SAMD12: variants seen among roughly 807,000 people sequenced by gnomAD.
The protein encoded by SAMD12 is sterile alpha motif domain containing 12.
A neutral mutation model predicts 15.0 loss-of-function variants in SAMD12; 9 were observed. The ratio of observed to expected loss-of-function variants is 0.60; its 90% CI spans 0.36 to 1.05. SAMD12 has a LOEUF of 1.05. SAMD12 is among the 50% of genes least tolerant of loss of function. SAMD12 has a pLI of 0.01. For missense variants in SAMD12, 230 were observed against 234.2 expected (o/e 0.98, Z 0.12); for synonymous variants, 86 against 90.1 (o/e 0.96, Z 0.25).
chr8:118,263,023 G>A (rs1813115950), intron 4 of SAMD12, among the ~76,000 whole-genome samples: 1 of 151,984 alleles, frequency 6.6e-6, no homozygotes, highest in Admixed American at 6.6e-5. Context: ...TACAAAATTA[G>A]GATAGTACTA....
At chr8:118,295,129 A>G (rs572372136) in intron 4 of SAMD12, among the ~76,000 whole-genome samples, 2 of 152,264 alleles carry the variant, frequency 1.3e-5, no homozygotes, top group Admixed American at 1.3e-4. Context: ...TTGGCATACA[A>G]TTCACTTAGA....
intron 2 of SAMD12, among the ~76,000 whole-genome samples, chr8:118,553,066 T>G (rs1826397902): frequency 6.6e-6 from 1 of 152,034 alleles, no homozygotes; most frequent in Non-Finnish European, 1.5e-5. Context: ...TCCATGCTCA[T>G]GGATAGGAAG....
At chr8:118,607,361 G>T (rs1273342945) in intron 1 of SAMD12, among the ~76,000 whole-genome samples, 1 of 151,906 alleles carries the variant, frequency 6.6e-6, no homozygotes, top group Non-Finnish European at 1.5e-5. Context: ...CCAGCCTCCC[G>T]AGTAGCTGGG....
At chr8:118,306,270 T>C (rs1390223029) in intron 4 of SAMD12, among the ~76,000 whole-genome samples, 3 of 152,200 alleles carry the variant, frequency 2.0e-5, no homozygotes, top group African/African-American at 7.2e-5. Context: ...TCTTAGGCCA[T>C]AGAACCTGTG....
intron 4 of SAMD12, among the ~76,000 whole-genome samples, chr8:118,308,107 C>T (rs182003871): frequency 6.6e-6 from 1 of 152,340 alleles, no homozygotes; most frequent in African/African-American, 2.4e-5. Flanking sequence ...AGGTAGTATG[C>T]TAACCTTTTG....
intron 2 of SAMD12, among the ~76,000 whole-genome samples, chr8:118,561,497 T>C (rs2131211588): frequency 6.6e-6 from 1 of 152,314 alleles, no homozygotes; most frequent in East Asian, 1.9e-4. Flanking sequence ...CAATTCAGCA[T>C]GGCTGGGGAG....
rs1202121407 is a variant in SAMD12, at chr8:118,366,871, TAAAATAAAATAATAAAATAA to T, written c.433+12669_433+12688del. ...TAAAATAAAATAAAATAAAATAAAA[TAAAATAAAATAATAAAATAA>T]AATAAAATAAAATAAAATAAAATAA... On this transcript the variant is annotated intron_variant, in intron 4 of 4. Transcript: ENST00000409003. 4.7e-4 allele frequency among the ~76,000 whole-genome samples: 54 copies of T among 115,412 alleles called. 2 individuals carry two copies. Among genetic ancestry groups the T allele is most frequent in the African/African-American group, 1.9e-3 (52 of 27,668 alleles). The allele number at this position is 115,412 out of a possible 152,430, so 75.7% of individuals were successfully genotyped here.
intron 2 of SAMD12, among the ~76,000 whole-genome samples, chr8:118,479,496 C>G (rs950065100): frequency 2.0e-5 from 3 of 152,088 alleles, no homozygotes; most frequent in African/African-American, 7.2e-5. Context: ...TATTCACTAC[C>G]ACGAGAACAG....
At chr8:118,337,933 T>G (rs1227508103) in intron 4 of SAMD12, among the ~76,000 whole-genome samples, 2 of 152,212 alleles carry the variant, frequency 1.3e-5, no homozygotes, top group African/African-American at 4.8e-5. Context: ...TCCATTAAAT[T>G]GTGAAGAAAC....
intron 4 of SAMD12, among the ~76,000 whole-genome samples, chr8:118,338,295 G>T (rs1348547654): frequency 6.6e-6 from 1 of 152,212 alleles, no homozygotes; most frequent in Admixed American, 6.5e-5. Flanking sequence ...GATCTCTTCA[G>T]CTAGAACTGG....
At chr8:118,344,443 A>G (rs1236937913) in intron 4 of SAMD12, among the ~76,000 whole-genome samples, 1 of 152,216 alleles carries the variant, frequency 6.6e-6, no homozygotes, top group Non-Finnish European at 1.5e-5. Context: ...CCCTTGCAAC[A>G]TTGTAAGAGG....
intron 2 of SAMD12, among the ~76,000 whole-genome samples, chr8:118,456,578 G>A (rs1180030215): frequency 2.0e-5 from 3 of 152,144 alleles, no homozygotes; most frequent in African/African-American, 4.8e-5. Context: ...TTTTCTCCAT[G>A]TATCTGTTCC....
At chr8:118,475,131 C>T (rs919966624) in intron 2 of SAMD12, among the ~76,000 whole-genome samples, 5 of 152,090 alleles carry the variant, frequency 3.3e-5, no homozygotes, top group Non-Finnish European at 7.4e-5. Context: ...CCCAGCTACT[C>T]AGGAGGCTGA....
chr8:118,605,012 T>A (rs1430420404), intron 1 of SAMD12, among the ~76,000 whole-genome samples: 1 of 152,226 alleles, frequency 6.6e-6, no homozygotes. Flanking sequence ...TAAGCTGTGA[T>A]AAAGATAGAC....
At chr8:118,213,129 T>A (rs952921985) in intron 4 of SAMD12, among the ~76,000 whole-genome samples, 2 of 152,216 alleles carry the variant, frequency 1.3e-5, no homozygotes, top group African/African-American at 4.8e-5. Flanking sequence ...ATAAAAACCA[T>A]GAATGATCTC....
At chr8:118,491,590 C>T (rs937700643) in intron 2 of SAMD12, among the ~76,000 whole-genome samples, 6 of 152,106 alleles carry the variant, frequency 3.9e-5, no homozygotes, top group Admixed American at 3.3e-4. Flanking sequence ...GAGGAGTTGC[C>T]TTATTTCTTC....
intron 4 of SAMD12, among the ~76,000 whole-genome samples, chr8:118,234,908 A>C (rs1812394915): frequency 6.6e-6 from 1 of 152,250 alleles, no homozygotes; most frequent in African/African-American, 2.4e-5. Context: ...AAATATTTTT[A>C]GAAGCAGAAT....
At chr8:118,218,775 T>G (rs1586354843) in intron 4 of SAMD12, among the ~76,000 whole-genome samples, 1 of 152,300 alleles carries the variant, frequency 6.6e-6, no homozygotes, top group Non-Finnish European at 1.5e-5. Flanking sequence ...TTTCCATTGG[T>G]AGACACTTAG....
At chr8:118,487,550 A>G (rs1403164045) in intron 2 of SAMD12, among the ~76,000 whole-genome samples, 1 of 152,212 alleles carries the variant, frequency 6.6e-6, no homozygotes, top group Non-Finnish European at 1.5e-5. Context: ...TGGATGCCTC[A>G]TGTTGCTTCT....
Sources: allele counts gnomAD v4.1 joint callset (sites outside exome capture counted in the v4.1 genomes callset), GRCh38; gene constraint gnomAD v4.1.1; transcripts MANE v1.5; gene names NCBI Gene and HGNC (gene_info 2026-07-23, HGNC 2026-07-21).